The following LDLRAD1 variants were observed in gnomAD, a reference collection of about 807,000 sequenced individuals.
The protein encoded by LDLRAD1 is low-density lipoprotein receptor class A domain-containing protein 1.
LDLRAD1 carries 17 observed loss-of-function variants against 24.8 expected under a neutral mutation model. That is an observed-to-expected ratio of 0.69 (90% confidence interval 0.47 to 1.03). LDLRAD1 has a LOEUF of 1.03. Ranked by LOEUF, LDLRAD1 falls within the 50% of genes least tolerant of loss-of-function variation. The pLI, the probability that LDLRAD1 is intolerant of heterozygous loss-of-function variation, is 0.00. For missense variants in LDLRAD1, 277 were observed against 271.0 expected (o/e 1.02, Z -0.16); for synonymous variants, 103 against 108.2 (o/e 0.95, Z 0.30).
chr1:54,009,756 G>T (rs905775062), intron 5 of LDLRAD1, among the ~76,000 whole-genome samples: 1 of 152,152 alleles, frequency 6.6e-6, no homozygotes, highest in Non-Finnish European at 1.5e-5. Context: ...CATGTTTGTT[G>T]ATTGACCACT....
chr1:54,017,407 A>C lies in LDLRAD1; in HGVS notation c.42T>G (p.Ala14=). Residue 14 remains alanine (A), a synonymous_variant, in exon 2 of 6, where the codon GCT becomes GCG. Transcript: ENST00000371360. ...CTCCAGGGTGGGCTTTGGATTCAGCAGCAGTGTAGCCATTCTCTCCCTGCC... is the reference window on the plus strand; with the variant it reads ...CTCCAGGGTGGGCTTTGGATTCAGCCGCAGTGTAGCCATTCTCTCCCTGCC... The part of the protein sequence containing the change: ...VFPQGENGYT[A]AESKAHPGGE... 6.2e-7 allele frequency: 1 copy of C among 1,603,618 alleles called. No homozygotes were observed. The highest frequency in any genetic ancestry group is 8.5e-7 in the Non-Finnish European group (1 of 1,174,660).
At chr1:54,017,485 G>A (rs1342302612) in intron 1 of LDLRAD1, 58 bp from the exon 2 acceptor site, 2 of 1,467,500 alleles carry the variant, frequency 1.4e-6, no homozygotes, top group Non-Finnish European at 1.9e-6. Flanking sequence ...CAGCCTCAGG[G>A]AGGCAGACAA....
chr1:54,014,466 C>T, intron 2 of LDLRAD1, 102 bp from the exon 3 acceptor site: 3 of 1,154,924 alleles, frequency 2.6e-6, no homozygotes, highest in Non-Finnish European at 3.7e-6. Context: ...CAGCCTCTCC[C>T]CCACGAGGGT....
chr1:54,011,412 C>A (rs553275762), intron 4 of LDLRAD1, among the ~76,000 whole-genome samples: 8 of 152,138 alleles, frequency 5.3e-5, no homozygotes, highest in African/African-American at 1.9e-4. Context: ...TGGGTGGCCT[C>A]GGTTGGGCTT....
chr1:54,011,011 G>T (rs912068188), intron 4 of LDLRAD1, among the ~76,000 whole-genome samples: 3 of 152,174 alleles, frequency 2.0e-5, no homozygotes, highest in Non-Finnish European at 4.4e-5. Flanking sequence ...TCGTTAGACT[G>T]CCCAGACCCA....
At position 54,017,454 on chromosome 1, in the gene LDLRAD1, G is replaced by A; in HGVS notation, c.22-27C>T. On this transcript the variant is annotated intron_variant, in intron 1 of 5. Transcript: ENST00000371360. Reference sequence around the variant, plus strand: ...TGCCCAAGAGAACAGAGTGAGGGGTGGGCTTAGGTGAGGTGAGCTCCAGCC... The same window carrying A: ...TGCCCAAGAGAACAGAGTGAGGGGTAGGCTTAGGTGAGGTGAGCTCCAGCC... The A allele has an allele frequency of 1.9e-6, 3 of 1,582,690 alleles. No individual in the cohort carries two copies. The East Asian group carries it at 6.8e-5, about 36-fold the overall frequency.
chr1:54,013,574 T>A (rs990760092), intron 3 of LDLRAD1, among the ~76,000 whole-genome samples: 2 of 151,624 alleles, frequency 1.3e-5, no homozygotes, highest in African/African-American at 4.9e-5. Flanking sequence ...CCTCTTGCAG[T>A]CTCTTCTTCT....
chr1:54,016,756 A>G (rs2100266968), intron 2 of LDLRAD1, among the ~76,000 whole-genome samples: 1 of 152,330 alleles, frequency 6.6e-6, no homozygotes, highest in Admixed American at 6.5e-5. Flanking sequence ...GCCCCATAAC[A>G]GGGCCCCTGT....
Position 54,012,267 on chromosome 1 carries a change from A to G in LDLRAD1, c.216T>C (p.Cys72=), listed in dbSNP as rs972795962. Residue 72 remains cysteine, a synonymous_variant, in exon 4 of 6, where the codon TGT becomes TGC. Coordinates refer to ENST00000371360, the MANE Select transcript of LDLRAD1 (RefSeq NM_001010978.4). ...LPSCTPGAQA[C]ITLTNRTGFL... The stretch of plus-strand genomic sequence containing the variant: ...AGCCTGTCCTGTTTGTCAGTGTTAT[A>G]CAAGCTTGGGCTCCTGAATGGGCAG... 6.2e-7 allele frequency: 1 copy of G among 1,614,080 alleles called. No individual in the cohort carries two copies. Among genetic ancestry groups the G allele is most frequent in the South Asian group, 1.1e-5 (1 of 91,080 alleles).
chr1:54,009,761 A>C (rs1438308726), intron 5 of LDLRAD1, among the ~76,000 whole-genome samples: 4 of 152,068 alleles, frequency 2.6e-5, no homozygotes, highest in African/African-American at 9.7e-5. Flanking sequence ...TTGTTGATTG[A>C]CCACTGGGGA....
rs1569878740 is a variant in LDLRAD1, at chr1:54,007,713, C to T, written c.*1269G>A. On this transcript the variant is annotated 3_prime_UTR_variant, in exon 6 of 6. Coordinates refer to ENST00000371360, the MANE Select transcript of LDLRAD1 (RefSeq NM_001010978.4). ...ACTTCCACCTCAGTGTCCCAAAGTG[C>T]TGGGATCATAGGCATGAGCCAGTGC... 6.6e-6 allele frequency: 1 copy of T among 152,340 alleles called. No homozygotes were observed. The highest frequency in any genetic ancestry group is 2.4e-5 in the African/African-American group (1 of 41,456). 9.4% of individuals were successfully genotyped at this position (152,340 alleles called of 1,614,324 possible).
At chr1:54,016,462 C>T (rs908022229) in intron 2 of LDLRAD1, among the ~76,000 whole-genome samples, 1 of 152,188 alleles carries the variant, frequency 6.6e-6, no homozygotes, top group Non-Finnish European at 1.5e-5. Context: ...AACCAAGGCT[C>T]CTGCCCAGGT....
intron 5 of LDLRAD1, 89 bp from the exon 6 acceptor site, chr1:54,009,219 T>C: frequency 7.9e-7 from 1 of 1,263,904 alleles, no homozygotes; most frequent in Non-Finnish European, 1.1e-6. Flanking sequence ...AAACCTGCCG[T>C]AGCTCCCCAT....
chr1:54,015,653 TG>T (rs1656274112), intron 2 of LDLRAD1, among the ~76,000 whole-genome samples: 3 of 126,902 alleles, frequency 2.4e-5, no homozygotes, highest in Admixed American at 8.9e-5. Context: ...TTGTTTTTTT[TG>T]TTTTTTTTGT....
At position 54,014,727 on chromosome 1, in the gene LDLRAD1, G is replaced by A. The variant is rs1337955785; in HGVS notation, c.74-363C>T. ...AAGCTCCATTAGGCCCTTCATAAGC[G>A]TGCTTTATTTTTCAAAACAACCTTT... On this transcript the variant is annotated intron_variant, in intron 2 of 5. Coordinates refer to ENST00000371360, the MANE Select transcript of LDLRAD1 (RefSeq NM_001010978.4). Among the ~76,000 whole-genome samples the A allele has an allele frequency of 2.6e-5, 4 of 152,100 alleles. No individual in the cohort carries two copies. In the East Asian group the frequency reaches 5.8e-4, roughly 22 times the overall value.
At chr1:54,012,746 A>G (rs1056395260) in intron 3 of LDLRAD1, among the ~76,000 whole-genome samples, 5 of 152,120 alleles carry the variant, frequency 3.3e-5, no homozygotes, top group African/African-American at 1.2e-4. Flanking sequence ...CTGGAGGGCC[A>G]TATGTCATAA....
intron 2 of LDLRAD1, among the ~76,000 whole-genome samples, chr1:54,016,415 G>T (rs1252993440): frequency 1.3e-5 from 2 of 152,154 alleles, no homozygotes; most frequent in Non-Finnish European, 2.9e-5. Flanking sequence ...GTGCAGCACA[G>T]ACCATGCACA....
Position 54,012,183 on chromosome 1 carries a change from G to A in LDLRAD1, c.300C>T (p.Arg100=). The stretch of plus-strand genomic sequence containing the variant: ...CCTCGTCCTCGCCGTGGGTACAGGT[G>A]CGAACGCCATCACAGACCCCACTGG... ...IPASGVCDGV[R]TCTHGEDEDE... is the part of the protein sequence containing the mutation. Residue 100 remains arginine (R), a synonymous_variant, in exon 4 of 6, where the codon CGC becomes CGT. Transcript: ENST00000371360. 1 of 1,614,130 alleles carries A rather than the reference G, an allele frequency of 6.2e-7. No homozygotes were observed. Among genetic ancestry groups the A allele is most frequent in the Non-Finnish European group, 8.5e-7 (1 of 1,180,002 alleles).
chr1:54,008,897 C>A lies in LDLRAD1; in HGVS notation c.*85G>T. 7 of 1,136,856 alleles carry A rather than the reference C, an allele frequency of 6.2e-6. No individual in the cohort carries two copies. The highest frequency in any genetic ancestry group is 2.3e-5 in the South Asian group (1 of 44,034). The allele number at this position is 1,136,856 out of a possible 1,614,324, so 70.4% of individuals were successfully genotyped here. A position where few individuals can be genotyped will look rare whatever the true frequency, so the allele number is the denominator to read the frequency against. The stretch of plus-strand genomic sequence containing the variant: ...ATCCCATTTCAAAGGCTGCTTCCTG[C>A]CCTTGTGCGCTAGGATTTGATTTTC... On this transcript the variant is annotated 3_prime_UTR_variant, in exon 6 of 6. Transcript: ENST00000371360.
Sources: gnomAD v4.1 joint callset for allele counts (sites outside exome capture counted in the v4.1 genomes callset) on GRCh38, gnomAD v4.1.1 for gene constraint, MANE v1.5 for transcripts, NCBI Gene and HGNC (gene_info 2026-07-23, HGNC 2026-07-21) for gene names.